The following SERINC1 variants were observed in gnomAD, a reference collection of about 807,000 sequenced individuals.
SERINC1 encodes the protein tumor differentially expressed protein 2.
A neutral mutation model predicts 52.9 loss-of-function variants in SERINC1; 38 were observed. The ratio of observed to expected loss-of-function variants is 0.72; its 90% CI spans 0.55 to 0.94. The LOEUF (loss-of-function observed/expected upper bound fraction) is 0.94. Ranked by LOEUF, SERINC1 falls within the 40% of genes least tolerant of loss-of-function variation. The pLI, the probability that SERINC1 is intolerant of heterozygous loss-of-function variation, is 0.00. For missense variants in SERINC1, 471 were observed against 533.9 expected (o/e 0.88, Z 1.16); for synonymous variants, 198 against 183.1 (o/e 1.08, Z -0.66).
intron 7 of SERINC1, among the ~76,000 whole-genome samples, chr6:122,447,769 T>C (rs1222167757): frequency 6.6e-6 from 1 of 152,112 alleles, no homozygotes; most frequent in African/African-American, 2.4e-5. Context: ...CTCATGGAAA[T>C]TACCCAATAA....
intron 7 of SERINC1, among the ~76,000 whole-genome samples, chr6:122,448,060 A>T (rs1014048666): frequency 6.6e-6 from 1 of 151,642 alleles, no homozygotes; most frequent in Non-Finnish European, 1.5e-5. Context: ...GTGAGCCGAG[A>T]TCATGCCACT....
At chr6:122,456,414 G>A (rs1431494746) in intron 3 of SERINC1, 67 bp downstream of exon 3, 46 of 989,646 alleles carry the variant, frequency 4.6e-5, no homozygotes, top group Non-Finnish European at 5.8e-5. Flanking sequence ...AGTTTCCTTG[G>A]ATAAACTGGC....
chr6:122,459,299 C>G (rs1775058277), intron 1 of SERINC1, among the ~76,000 whole-genome samples: 1 of 152,148 alleles, frequency 6.6e-6, no homozygotes, highest in Non-Finnish European at 1.5e-5. Flanking sequence ...GAGAGGAACA[C>G]TGGTACAGAG....
Position 122,451,776 on chromosome 6 carries a change from A to AAAATATACATAT in SERINC1, c.760-23_760-22insATATGTATATTT. On this transcript the variant is annotated intron_variant, in intron 6 of 9. Coordinates refer to ENST00000339697, the MANE Select transcript of SERINC1 (RefSeq NM_020755.4). ...ATTCCTACAAAAAAAAAAAAAAAAA[A>AAAATATACATAT]ATATATATATATATATATAGCAACA... The AAAATATACATAT allele has an allele frequency of 1.7e-4, 19 of 113,086 alleles. 1 individual carries two copies. Among genetic ancestry groups the AAAATATACATAT allele is most frequent in the African/African-American group, 1.3e-3 (17 of 13,438 alleles). The allele number at this position is 113,086 out of a possible 1,614,324, so 7.0% of individuals were successfully genotyped here. A position where few individuals can be genotyped will look rare whatever the true frequency, so the allele number is the denominator to read the frequency against.
chr6:122,450,573 T>C (rs1305313976), intron 7 of SERINC1, among the ~76,000 whole-genome samples: 1 of 152,240 alleles, frequency 6.6e-6, no homozygotes, highest in Non-Finnish European at 1.5e-5. Flanking sequence ...ATAGCTGCCA[T>C]AGAGTAATTC....
intron 1 of SERINC1, among the ~76,000 whole-genome samples, chr6:122,466,716 A>T (rs1043515658): frequency 6.6e-6 from 1 of 152,214 alleles, no homozygotes; most frequent in Non-Finnish European, 1.5e-5. Flanking sequence ...TTCTGAAAAC[A>T]ATCAAGGAAA....
chr6:122,461,121 G>A (rs1775093242), intron 1 of SERINC1, among the ~76,000 whole-genome samples: 1 of 152,066 alleles, frequency 6.6e-6, no homozygotes, highest in African/African-American at 2.4e-5. Context: ...GGAGAGAAGT[G>A]ACACAAAGGT....
Position 122,443,837 on chromosome 6 carries a change from A to C in SERINC1, c.*1207T>G, listed in dbSNP as rs1368551183. The C allele has an allele frequency of 6.6e-6, 1 of 152,100 alleles. No individual in the cohort carries two copies. Among genetic ancestry groups the C allele is most frequent in the Non-Finnish European group, 1.5e-5 (1 of 68,008 alleles). The allele number at this position is 152,100 out of a possible 1,614,324, so 9.4% of individuals were successfully genotyped here. On this transcript the variant is annotated 3_prime_UTR_variant, in exon 10 of 10. Transcript: ENST00000339697. ...TCAGAGAGAATGCTATTATTGGCCA[A>C]CTTGAAATTTCCTAATTAGCTATCT...
At chr6:122,454,029 T>C (rs895221681) in intron 4 of SERINC1, 122 bp from the exon 5 acceptor site, 2 of 1,219,500 alleles carry the variant, frequency 1.6e-6, no homozygotes, top group East Asian at 2.6e-5. Context: ...TTTTGCCAAC[T>C]GGGGAAACAC....
chr6:122,471,576 A>G (rs539123294), intron 1 of SERINC1, 123 bp downstream of exon 1: 48 of 1,158,732 alleles, frequency 4.1e-5, no homozygotes, highest in Non-Finnish European at 5.5e-5. Context: ...AAACGGGGAC[A>G]GAGAGGGCAC....
intron 1 of SERINC1, among the ~76,000 whole-genome samples, chr6:122,461,226 C>T (rs574093807): frequency 1.3e-5 from 2 of 152,098 alleles, no homozygotes; most frequent in African/African-American, 4.8e-5. Context: ...GCAAAATAAA[C>T]ATGAAAACCA....
intron 9 of SERINC1, among the ~76,000 whole-genome samples, chr6:122,446,569 T>C (rs1041092773): frequency 6.6e-6 from 1 of 152,324 alleles, no homozygotes; most frequent in East Asian, 1.9e-4. Context: ...TCTCCAAGAT[T>C]TGGAACTATT....
At position 122,443,798 on chromosome 6, in the gene SERINC1, A is replaced by G. The variant is rs1774709577; in HGVS notation, c.*1246T>C. On this transcript the variant is annotated 3_prime_UTR_variant, in exon 10 of 10. Coordinates refer to ENST00000339697, the MANE Select transcript of SERINC1 (RefSeq NM_020755.4). ...AATTATGCATGTATTTTGAATAGAA[A>G]TTATTTTTAAATGTCAGAGAGAATG... 6.6e-6 allele frequency: 1 copy of G among 152,186 alleles called. No homozygotes were observed. The highest frequency in any genetic ancestry group is 2.4e-5 in the African/African-American group (1 of 41,450). 9.4% of individuals were successfully genotyped at this position (152,186 alleles called of 1,614,324 possible).
At chr6:122,448,067 C>T (rs969984737) in intron 7 of SERINC1, among the ~76,000 whole-genome samples, 2 of 150,476 alleles carry the variant, frequency 1.3e-5, no homozygotes, top group African/African-American at 4.9e-5. Flanking sequence ...GAGATCATGC[C>T]ACTGCATTCC....
rs1443064554 is a variant in SERINC1 at position 122,446,949 on chromosome 6, A to C, written c.1051T>G (p.Ser351Ala). Residue 351 changes from serine to alanine, a missense_variant, in exon 9 of 10, where the codon TCT becomes GCT. Ser to Ala is a moderately conservative substitution (Grantham distance 99, BLOSUM62 1). Coordinates refer to ENST00000339697, the MANE Select transcript of SERINC1 (RefSeq NM_020755.4). ...GCTCCACCATCTTCTATTAATGTAG[A>C]TTCATCACTTGTTAGAGTCAGTTTA... ...VNKLTLTSDE[S>A]TLIEDGGARS... 6.2e-7 allele frequency: 1 copy of C among 1,613,752 alleles called. No individual in the cohort carries two copies. The highest frequency in any genetic ancestry group is 1.1e-5 in the South Asian group (1 of 91,078).
At chr6:122,468,547 T>G (rs1294804411) in intron 1 of SERINC1, among the ~76,000 whole-genome samples, 1 of 152,158 alleles carries the variant, frequency 6.6e-6, no homozygotes, top group Non-Finnish European at 1.5e-5. Flanking sequence ...CTTTTTTTTT[T>G]GTTAAATTCA....
At chr6:122,445,265 C>T (rs1440541908) in intron 9 of SERINC1, 86 bp from the exon 10 acceptor site, 151 of 1,327,290 alleles carry the variant, frequency 1.1e-4, no homozygotes, top group Non-Finnish European at 1.5e-4. Flanking sequence ...AATTCAGAAG[C>T]GTGCTTTGTA....
chr6:122,454,253 T>G (rs1283022247), intron 3 of SERINC1, 23 bp from the exon 4 acceptor site: 3 of 1,243,434 alleles, frequency 2.4e-6, no homozygotes, highest in Non-Finnish European at 3.4e-6. Context: ...GAAATATAAT[T>G]TTTTATTAAT....
At chr6:122,462,232 A>T (rs1050815023) in intron 1 of SERINC1, among the ~76,000 whole-genome samples, 3 of 152,222 alleles carry the variant, frequency 2.0e-5, no homozygotes, top group African/African-American at 7.2e-5. Flanking sequence ...TAACTTGATA[A>T]ATGGCATTTA....
Sources: gnomAD v4.1 joint callset for allele counts (sites outside exome capture counted in the v4.1 genomes callset) on GRCh38, gnomAD v4.1.1 for gene constraint, MANE v1.5 for transcripts, NCBI Gene and HGNC (gene_info 2026-07-23, HGNC 2026-07-21) for gene names.